The following IMMT variants were observed in gnomAD, a reference collection of about 807,000 sequenced individuals.
IMMT encodes MICOS complex subunit MIC60.
A neutral mutation model predicts 92.7 loss-of-function variants in IMMT; 40 were observed. That is an observed-to-expected ratio of 0.43 (90% CI 0.34 to 0.56). The LOEUF (loss-of-function observed/expected upper bound fraction) is 0.56, where lower values mean the gene tolerates loss of function less well. Ranked by LOEUF, IMMT falls within the 20% of genes least tolerant of loss-of-function variation. The pLI, the probability that IMMT is intolerant of heterozygous loss-of-function variation, is 0.03. For missense variants in IMMT, 831 were observed against 912.1 expected (o/e 0.91, Z 1.14); for synonymous variants, 322 against 336.1 (o/e 0.96, Z 0.46).
chr2:86,182,132 T>C (rs1672477007), intron 1 of IMMT, among the ~76,000 whole-genome samples: 1 of 152,062 alleles, frequency 6.6e-6, no homozygotes, highest in African/African-American at 2.4e-5. Flanking sequence ...ATTAAGCAAA[T>C]GAACAAGCAT....
At chr2:86,162,604 G>A (rs578141417) in intron 7 of IMMT, among the ~76,000 whole-genome samples, 6 of 151,864 alleles carry the variant, frequency 4.0e-5, no homozygotes, top group South Asian at 2.1e-4. Context: ...CCAGCACTTC[G>A]GGAGGCTGAG....
chr2:86,150,348 G>A (rs528245564), intron 12 of IMMT, among the ~76,000 whole-genome samples: 2 of 152,184 alleles, frequency 1.3e-5, no homozygotes, highest in Admixed American at 6.5e-5. Context: ...TGGAGAAAAC[G>A]TTTCAGAACT....
Position 86,159,626 on chromosome 2 carries a change from T to C in IMMT, c.942A>G (p.Lys314=), listed in dbSNP as rs1157282132. The change falls in exon 9 of 15, where the codon AAA becomes AAG. Residue 314 remains lysine, a synonymous_variant. Coordinates refer to ENST00000410111, the MANE Select transcript of IMMT (RefSeq NM_006839.3). The part of the protein sequence containing the change: ...KMKSVIENAK[K]KEVAGAKPHI... ...GAGGCTTGGCCCCAGCAACCTCTTTTTTCTTTGCATTTTCAATCACACTTT... is the reference window on the plus strand; with the variant it reads ...GAGGCTTGGCCCCAGCAACCTCTTTCTTCTTTGCATTTTCAATCACACTTT... 1.3e-6 allele frequency: 2 copies of C among 1,580,384 alleles called. No individual in the cohort carries two copies. Among genetic ancestry groups the C allele is most frequent in the Admixed American group, 2.0e-5 (1 of 49,902 alleles).
At position 86,146,077 on chromosome 2, in the gene IMMT, C is replaced by T. The variant is rs1334152724; in HGVS notation, c.1654G>A (p.Ala552Thr). 15 of 1,581,668 alleles carry T rather than the reference C, an allele frequency of 9.5e-6. No individual in the cohort carries two copies. The Admixed American group carries it at 2.4e-4, about 25-fold the overall frequency. ...CATAGCTTATGCTTACTCTGAACAG[C>T]CTGTTCGATTCCTCTGAGTCTGGCA... The part of the protein sequence containing the change: ...AYARLRGIEQ[A>T]VQSHAVAEEE... Residue 552 changes from alanine (A) to threonine (T), a missense_variant, in exon 14 of 15, where the codon GCT becomes ACT. Ala to Thr is a moderately conservative substitution (Grantham distance 58, BLOSUM62 0). Coordinates refer to ENST00000410111, the MANE Select transcript of IMMT (RefSeq NM_006839.3).
In IMMT at chr2:86,179,535, G is replaced by A. The variant is rs780429135; in HGVS notation, c.207C>T (p.Ser69=). The A allele has an allele frequency of 1.2e-6, 2 of 1,613,274 alleles. No individual in the cohort carries two copies. The highest frequency in any genetic ancestry group is 2.2e-5 in the South Asian group (2 of 90,900). Residue 69 remains serine (S), a synonymous_variant, in exon 3 of 15, where the codon TCC becomes TCT. Coordinates refer to ENST00000410111, the MANE Select transcript of IMMT (RefSeq NM_006839.3). ...TTTTCTCTACACTTTCCCGGAAATG[G>A]GAATCCCATTTGGCATATAGGATAG... ...GGTILYAKWD[S]HFRESVEKTI...
intron 10 of IMMT, 26 bp from the exon 11 acceptor site, chr2:86,153,600 T>C: frequency 1.4e-6 from 2 of 1,416,282 alleles, no homozygotes; most frequent in South Asian, 2.7e-5. Flanking sequence ...TAGAACAGTT[T>C]GAAAAAAAAG....
At chr2:86,163,896 T>G (rs1365988807) in intron 7 of IMMT, among the ~76,000 whole-genome samples, 1 of 139,840 alleles carries the variant, frequency 7.2e-6, no homozygotes, top group Admixed American at 7.7e-5. Flanking sequence ...GAAGCAGAGG[T>G]TGCAGTGAGC....
At chr2:86,168,632 TAATTA>T (rs1357702279) in intron 6 of IMMT, among the ~76,000 whole-genome samples, 1 of 151,480 alleles carries the variant, frequency 6.6e-6, no homozygotes, top group African/African-American at 2.4e-5. Flanking sequence ...CAAAACAAAT[TAATTA>T]AATAAATGAT....
chr2:86,159,779 G>A (rs1238432822), intron 8 of IMMT, 108 bp from the exon 9 acceptor site: 2 of 959,136 alleles, frequency 2.1e-6, no homozygotes, highest in African/African-American at 1.7e-5. Context: ...AACAGGCTGG[G>A]AGCAGTGGCT....
chr2:86,154,837 C>T (rs1254694472), intron 10 of IMMT, among the ~76,000 whole-genome samples: 2 of 152,038 alleles, frequency 1.3e-5, no homozygotes. Flanking sequence ...TACTGCCTCT[C>T]AGGATGAGCT....
chr2:86,190,160 A>G (rs966345291), intron 1 of IMMT, among the ~76,000 whole-genome samples: 4 of 152,372 alleles, frequency 2.6e-5, no homozygotes, highest in South Asian at 4.1e-4. Context: ...AGAGGATTCT[A>G]GCATGGGTAG....
chr2:86,149,863 AAG>A (rs1368729426), intron 12 of IMMT, among the ~76,000 whole-genome samples: 1 of 150,088 alleles, frequency 6.7e-6, no homozygotes, highest in Non-Finnish European at 1.5e-5. Context: ...CTGGGCCACA[AAG>A]ACAGACTCTG....
chr2:86,189,287 T>C (rs939972586), intron 1 of IMMT, among the ~76,000 whole-genome samples: 1 of 151,586 alleles, frequency 6.6e-6, no homozygotes, highest in African/African-American at 2.4e-5. Flanking sequence ...CAGGCTGGAG[T>C]GCAATGGTGT....
At chr2:86,178,630 A>G (rs1677613450) in intron 3 of IMMT, among the ~76,000 whole-genome samples, 1 of 152,148 alleles carries the variant, frequency 6.6e-6, no homozygotes, top group South Asian at 2.1e-4. Context: ...CGTCTTGGAA[A>G]AAAAAAAAGA....
At position 86,173,854 on chromosome 2, in the gene IMMT, G is replaced by C. The variant is rs1434679992; in HGVS notation, c.310-93C>G. Reference sequence around the variant, plus strand: ...AGTATTTCAAATGCCAAGTCTTTCAGGCTTTTAACATAAAGTTATCAACAC... The same window carrying C: ...AGTATTTCAAATGCCAAGTCTTTCACGCTTTTAACATAAAGTTATCAACAC... On this transcript the variant is annotated intron_variant, in intron 3 of 14. Transcript: ENST00000410111. 1.1e-4 allele frequency: 70 copies of C among 658,452 alleles called. 1 individual carries two copies. The highest frequency in any genetic ancestry group is 2.6e-6 in the Non-Finnish European group (1 of 382,648). The allele number at this position is 658,452 out of a possible 1,614,324, so 40.8% of individuals were successfully genotyped here.
At chr2:86,146,367 TATA>T (rs954390569) in intron 13 of IMMT, among the ~76,000 whole-genome samples, 170 bp from the exon 14 acceptor site, 15 of 130,562 alleles carry the variant, frequency 1.1e-4, no homozygotes, top group African/African-American at 4.1e-4. Context: ...ATTTGATGTA[TATA>T]ATATATTTTT....
chr2:86,193,558 TAG>T (rs1296454318), intron 1 of IMMT, among the ~76,000 whole-genome samples: 5 of 152,006 alleles, frequency 3.3e-5, no homozygotes, highest in African/African-American at 1.2e-4. Context: ...AATCTCAAAT[TAG>T]AGAGTCTATA....
Position 86,144,250 on chromosome 2 carries a change from T to C in IMMT, c.*18A>G. ...TCCTTTGACATGAAATATGACTTTA[T>C]GAAAATCTTCCTAAACCTCACTCTG... On this transcript the variant is annotated 3_prime_UTR_variant, in exon 15 of 15. Transcript: ENST00000410111. 6.2e-7 allele frequency: 1 copy of C among 1,611,080 alleles called. No homozygotes were observed. Among genetic ancestry groups the C allele is most frequent in the Non-Finnish European group, 8.5e-7 (1 of 1,177,704 alleles).
rs529665561 is a variant in IMMT at position 86,144,957 on chromosome 2, T to G, written c.1664-76A>C. The G allele has an allele frequency of 2.3e-4, 337 of 1,471,058 alleles. 3 individuals are homozygous for G. In the South Asian group the frequency reaches 4.4e-3, roughly 19 times the overall value. 91.1% of individuals were successfully genotyped at this position (1,471,058 alleles called of 1,614,324 possible). A position where few individuals can be genotyped will look rare whatever the true frequency, so the allele number is the denominator to read the frequency against. ...ATACATCCACAGAACTGATGCACAT[T>G]CAACAAGCTACATCTACACATGTGC... On this transcript the variant is annotated intron_variant, in intron 14 of 14. Transcript: ENST00000410111.
Sources: gnomAD v4.1 joint callset for allele counts (sites outside exome capture counted in the v4.1 genomes callset) on GRCh38, gnomAD v4.1.1 for gene constraint, MANE v1.5 for transcripts, NCBI Gene and HGNC (gene_info 2026-07-23, HGNC 2026-07-21) for gene names.